The following SEL1L variants were observed in gnomAD, a reference collection of about 807,000 sequenced individuals.
SEL1L encodes SEL1L adaptor subunit of SYVN1 ubiquitin ligase.
SEL1L carries 52 observed loss-of-function variants against 109.8 expected under a neutral mutation model. The observed-to-expected ratio is 0.47, with a 90% confidence interval of 0.38 to 0.60. The LOEUF (loss-of-function observed/expected upper bound fraction) is 0.60, where lower values mean the gene tolerates loss of function less well. Among genes scored for constraint, SEL1L ranks in the 20% least tolerant of loss-of-function variants. SEL1L has a pLI of 0.00. For synonymous variants in SEL1L, 373 were observed against 339.6 expected, an observed-to-expected ratio of 1.10 and a Z score of -1.08; for missense variants, 749 against 962.2, an observed-to-expected ratio of 0.78 and a Z score of 2.93.
At chr14:81,503,691 T>C (rs562569002) in intron 5 of SEL1L, among the ~76,000 whole-genome samples, 2 of 152,338 alleles carry the variant, frequency 1.3e-5, no homozygotes, top group African/African-American at 2.4e-5. Context: ...GAGAATATGA[T>C]GGTGTCCAGT....
In SEL1L at chr14:81,502,289, A is replaced by T. The variant is rs916261487; in HGVS notation, c.777+432T>A. Among the ~76,000 whole-genome samples the T allele has an allele frequency of 5.3e-5, 8 of 152,162 alleles. 1 individual carries two copies. Among genetic ancestry groups the T allele is most frequent in the African/African-American group, 1.9e-4 (8 of 41,440 alleles). On this transcript the variant is annotated intron_variant, in intron 6 of 20. Coordinates refer to ENST00000336735, the MANE Select transcript of SEL1L (RefSeq NM_005065.6). Reference sequence around the variant, plus strand: ...TTTGGGTGGTACATATGTGATGTGTACTTCTTAGTTTTGTTAGTTTGTATT... The same window carrying T: ...TTTGGGTGGTACATATGTGATGTGTTCTTCTTAGTTTTGTTAGTTTGTATT...
chr14:81,484,243 T>C lies in SEL1L; in HGVS notation c.2028A>G (p.Lys676=). Residue 676 remains lysine, a synonymous_variant, in exon 19 of 21, where the codon AAA becomes AAG. Coordinates refer to ENST00000336735, the MANE Select transcript of SEL1L (RefSeq NM_005065.6). ...AMFNLGYMHE[K]GLGIKQDIHL... is the part of the protein sequence containing the mutation. ...CACTCACCTGTTTAATGCCCAGTCCTTTCTCATGCATATATCCCAGATTAA... is the reference window on the plus strand; with the variant it reads ...CACTCACCTGTTTAATGCCCAGTCCCTTCTCATGCATATATCCCAGATTAA... The C allele has an allele frequency of 6.2e-7, 1 of 1,612,216 alleles. No individual in the cohort carries two copies. Among genetic ancestry groups the C allele is most frequent in the Non-Finnish European group, 8.5e-7 (1 of 1,178,518 alleles).
intron 3 of SEL1L, among the ~76,000 whole-genome samples, chr14:81,521,279 T>C (rs1884896340): frequency 2.0e-5 from 3 of 152,248 alleles, no homozygotes; most frequent in South Asian, 4.1e-4. Flanking sequence ...CTGGGTTCCT[T>C]GGAGAAATAG....
At position 81,533,831 on chromosome 14, in the gene SEL1L, T is replaced by G. The variant is rs1885436508; in HGVS notation, c.-87A>C. Reference sequence around the variant, plus strand: ...TCAGCCACCACCGCCGCCTCGCCGCTGCTCTTCCTGCTCTAGTCTCCTTCC... The same window carrying G: ...TCAGCCACCACCGCCGCCTCGCCGCGGCTCTTCCTGCTCTAGTCTCCTTCC... On this transcript the variant is annotated 5_prime_UTR_variant, in exon 1 of 21. Coordinates refer to ENST00000336735, the MANE Select transcript of SEL1L (RefSeq NM_005065.6). The G allele has an allele frequency of 7.7e-7, 1 of 1,293,852 alleles. No homozygotes were observed. Among genetic ancestry groups the G allele is most frequent in the South Asian group, 1.2e-5 (1 of 80,178 alleles). 80.1% of individuals were successfully genotyped at this position (1,293,852 alleles called of 1,614,324 possible).
At chr14:81,481,137 T>C (rs1384646484) in intron 19 of SEL1L, among the ~76,000 whole-genome samples, 1 of 152,190 alleles carries the variant, frequency 6.6e-6, no homozygotes, top group Non-Finnish European at 1.5e-5. Flanking sequence ...CTGTAAAGGG[T>C]GAAACCAGGC....
intron 1 of SEL1L, among the ~76,000 whole-genome samples, chr14:81,532,717 T>TA (rs373229588): frequency 1.1e-3 from 164 of 151,946 alleles, no homozygotes; most frequent in African/African-American, 3.6e-3. Context: ...AATTTTCTGT[T>TA]AAAAAAAAGC....
rs557130830 is a variant in SEL1L, at chr14:81,472,639, G to A, written c.*4333C>T. On this transcript the variant is annotated 3_prime_UTR_variant, in exon 21 of 21. Coordinates refer to ENST00000336735, the MANE Select transcript of SEL1L (RefSeq NM_005065.6). ...TAAATAATATTATAATCAGGCTAAA[G>A]TGAATCACGCTTACTACATATCAAG... 2.9e-4 allele frequency: 127 copies of A among 442,044 alleles called. 1 individual carries two copies. The highest frequency in any genetic ancestry group is 1.4e-3 in the South Asian group (84 of 61,270). The allele number at this position is 442,044 out of a possible 1,614,324, so 27.4% of individuals were successfully genotyped here.
At chr14:81,483,051 G>C (rs561167594) in intron 19 of SEL1L, among the ~76,000 whole-genome samples, 1 of 152,300 alleles carries the variant, frequency 6.6e-6, no homozygotes, top group African/African-American at 2.4e-5. Flanking sequence ...CAAGTAGTCA[G>C]GAGATTGATC....
chr14:81,520,794 T>C (rs2140051469), intron 3 of SEL1L, among the ~76,000 whole-genome samples: 1 of 152,334 alleles, frequency 6.6e-6, no homozygotes, highest in East Asian at 1.9e-4. Context: ...ACCTGGGATG[T>C]ATGTAGGCAT....
intron 15 of SEL1L, 48 bp from the exon 16 acceptor site, chr14:81,487,586 C>T: frequency 6.4e-7 from 1 of 1,573,450 alleles, no homozygotes; most frequent in Non-Finnish European, 8.6e-7. Context: ...TAAGATTTAG[C>T]TAAGTATCAG....
intron 10 of SEL1L, among the ~76,000 whole-genome samples, chr14:81,495,363 G>A (rs1883700839): frequency 6.6e-6 from 1 of 152,216 alleles, no homozygotes; most frequent in African/African-American, 2.4e-5. Context: ...TTGCGGCCAG[G>A]TGCGGTGGCT....
chr14:81,522,831 T>A (rs187786797), intron 3 of SEL1L, among the ~76,000 whole-genome samples: 6 of 152,276 alleles, frequency 3.9e-5, no homozygotes, highest in African/African-American at 1.4e-4. Flanking sequence ...TAATACCTAA[T>A]ATAATGGAAA....
intron 1 of SEL1L, among the ~76,000 whole-genome samples, chr14:81,530,564 A>T (rs920525407): frequency 6.6e-6 from 1 of 151,664 alleles, no homozygotes; most frequent in South Asian, 2.1e-4. Context: ...TGGCACAAAG[A>T]AAAAAAAAGG....
At chr14:81,513,072 G>T (rs996181129) in intron 3 of SEL1L, among the ~76,000 whole-genome samples, 1 of 152,178 alleles carries the variant, frequency 6.6e-6, no homozygotes, top group African/African-American at 2.4e-5. Flanking sequence ...TCTGTGTCTA[G>T]CTGAAAGTTT....
chr14:81,501,352 G>T (rs114110292), intron 6 of SEL1L, among the ~76,000 whole-genome samples: 3,818 of 152,234 alleles, frequency 0.025, 154 homozygotes, highest in African/African-American at 0.087. Flanking sequence ...CTGTGGCTTT[G>T]TAAGGTTCTA....
chr14:81,485,419 G>A (rs1903487606), intron 18 of SEL1L, among the ~76,000 whole-genome samples: 1 of 151,890 alleles, frequency 6.6e-6, no homozygotes, highest in Non-Finnish European at 1.5e-5. Context: ...GGGATTACAG[G>A]AGCCTGCCAC....
intron 5 of SEL1L, among the ~76,000 whole-genome samples, chr14:81,503,632 C>T (rs1027382332): frequency 3.3e-5 from 5 of 152,032 alleles, no homozygotes; most frequent in Non-Finnish European, 7.4e-5. Context: ...ATTATACTAA[C>T]AGTAATTTTA....
At chr14:81,522,186 C>T (rs772023468) in intron 3 of SEL1L, among the ~76,000 whole-genome samples, 2 of 151,920 alleles carry the variant, frequency 1.3e-5, no homozygotes, top group African/African-American at 4.8e-5. Flanking sequence ...TTACCATAAA[C>T]GAAGGTTAAT....
intron 1 of SEL1L, among the ~76,000 whole-genome samples, chr14:81,529,005 A>G (rs530616531): frequency 1.2e-4 from 18 of 152,326 alleles, no homozygotes; most frequent in Admixed American, 2.6e-4. Context: ...TTTGCCATAT[A>G]TGAAAGTGCT....
Sources: allele counts gnomAD v4.1 joint callset (sites outside exome capture counted in the v4.1 genomes callset), GRCh38; gene constraint gnomAD v4.1.1; transcripts MANE v1.5; gene names NCBI Gene and HGNC (gene_info 2026-07-23, HGNC 2026-07-21).